Variants in SMIM14 observed in about 807,000 individuals in gnomAD.
The protein encoded by SMIM14 is small integral membrane protein 14, also known as chromosome 4 open reading frame 34.
In SMIM14, 5 loss-of-function variants were observed where a neutral mutation model predicts 12.6. The observed-to-expected ratio is 0.40, with a 90% CI of 0.21 to 0.83. The LOEUF (loss-of-function observed/expected upper bound fraction) is 0.83, where lower values mean the gene tolerates loss of function less well. Ranked by LOEUF, SMIM14 falls within the 40% of genes least tolerant of loss-of-function variation. The pLI is 0.37. For synonymous variants in SMIM14, 30 were observed against 40.1 expected, an observed-to-expected ratio of 0.75 and a Z score of 0.95; for missense variants, 86 against 119.1, an observed-to-expected ratio of 0.72 and a Z score of 1.29.
At chr4:39,586,066 T>C (rs1393241026) in intron 2 of SMIM14, among the ~76,000 whole-genome samples, 1 of 152,082 alleles carries the variant, frequency 6.6e-6, no homozygotes, top group Non-Finnish European at 1.5e-5. Context: ...AACCTGGCAG[T>C]TTCCTGCTGG....
intron 2 of SMIM14, among the ~76,000 whole-genome samples, chr4:39,595,100 C>T (rs1172243661): frequency 7.0e-6 from 1 of 142,016 alleles, no homozygotes; most frequent in African/African-American, 2.6e-5. Context: ...AAGACACATG[C>T]ACACGTATGT....
intron 2 of SMIM14, among the ~76,000 whole-genome samples, chr4:39,600,293 C>T (rs553435806): frequency 6.6e-6 from 1 of 152,200 alleles, no homozygotes; most frequent in East Asian, 1.9e-4. Context: ...CCTGCCTCAG[C>T]CTCCCAAAGT....
intron 1 of SMIM14, among the ~76,000 whole-genome samples, chr4:39,627,439 G>C (rs1715742153): frequency 6.6e-6 from 1 of 152,166 alleles, no homozygotes; most frequent in African/African-American, 2.4e-5. Flanking sequence ...ACTTAAGGCA[G>C]TACTGAGAAA....
At chr4:39,631,433 C>T (rs956774020) in intron 1 of SMIM14, among the ~76,000 whole-genome samples, 3 of 151,472 alleles carry the variant, frequency 2.0e-5, no homozygotes, top group Admixed American at 1.3e-4. Context: ...CCAAGGCGGG[C>T]GGATCACGAG....
At chr4:39,587,148 T>A (rs1320210495) in intron 2 of SMIM14, among the ~76,000 whole-genome samples, 1 of 151,988 alleles carries the variant, frequency 6.6e-6, no homozygotes, top group Non-Finnish European at 1.5e-5. Context: ...TATACTATGA[T>A]CCCTTCTATG....
At chr4:39,611,626 A>G (rs1314621679) in intron 1 of SMIM14, among the ~76,000 whole-genome samples, 3 of 152,042 alleles carry the variant, frequency 2.0e-5, no homozygotes, top group Non-Finnish European at 4.4e-5. Context: ...GTGAGCCGAG[A>G]TTGCCCAGCC....
chr4:39,569,989 A>G (rs998680497), intron 3 of SMIM14, among the ~76,000 whole-genome samples: 2 of 151,990 alleles, frequency 1.3e-5, no homozygotes, highest in Non-Finnish European at 2.9e-5. Context: ...GAAGCCTAAA[A>G]TCTCTTTCCT....
chr4:39,604,429 CG>C (rs1372346424), intron 2 of SMIM14, among the ~76,000 whole-genome samples: 5 of 150,514 alleles, frequency 3.3e-5, no homozygotes, highest in African/African-American at 9.8e-5. Flanking sequence ...CCCAGTTACT[CG>C]GGAGGCTGAG....
At chr4:39,636,669 C>A (rs1716102010) in intron 1 of SMIM14, among the ~76,000 whole-genome samples, 1 of 150,472 alleles carries the variant, frequency 6.6e-6, no homozygotes, top group African/African-American at 2.5e-5. Context: ...AGTGAGATCT[C>A]GTCTCTATTA....
chr4:39,573,414 T>C (rs1358771993), intron 2 of SMIM14, among the ~76,000 whole-genome samples: 1 of 152,196 alleles, frequency 6.6e-6, no homozygotes, highest in Non-Finnish European at 1.5e-5. Context: ...TTTTGGTTTT[T>C]AATGAATGCT....
intron 1 of SMIM14, among the ~76,000 whole-genome samples, chr4:39,631,916 TAA>T (rs780586359): frequency 1.1e-4 from 15 of 138,640 alleles, no homozygotes; most frequent in Admixed American, 2.2e-4. Context: ...GGCCTAAATT[TAA>T]AAAAAAAAAA....
intron 1 of SMIM14, among the ~76,000 whole-genome samples, chr4:39,616,652 A>AG (rs1560305738): frequency 3.3e-5 from 5 of 151,346 alleles, no homozygotes; most frequent in East Asian, 1.9e-4. Flanking sequence ...AAAAAAAAAA[A>AG]AAAAGAAAAG....
At chr4:39,620,437 G>A (rs923940087) in intron 1 of SMIM14, among the ~76,000 whole-genome samples, 4 of 151,964 alleles carry the variant, frequency 2.6e-5, no homozygotes, top group African/African-American at 4.8e-5. Flanking sequence ...CGGAGATCGC[G>A]CCACTGCACT....
intron 2 of SMIM14, among the ~76,000 whole-genome samples, chr4:39,602,591 G>A (rs186264938): frequency 6.6e-6 from 1 of 152,114 alleles, no homozygotes; most frequent in African/African-American, 2.4e-5. Flanking sequence ...CAGACTCCAT[G>A]TCAAAAAACA....
rs1255449604 is a variant in SMIM14 at position 39,548,579 on chromosome 4, T to C, written c.*3547A>G. The C allele has an allele frequency of 3.3e-5, 5 of 152,212 alleles. No homozygotes were observed. The highest frequency in any genetic ancestry group is 7.2e-5 in the African/African-American group (3 of 41,452). The allele number at this position is 152,212 out of a possible 1,614,324, so 9.4% of individuals were successfully genotyped here. A position where few individuals can be genotyped will look rare whatever the true frequency, so the allele number is the denominator to read the frequency against. ...TGTAAGCTTTATCTTTCTTTTTTCC[T>C]AGATTATTTAAAGAGGATTGTAGCC... On this transcript the variant is annotated 3_prime_UTR_variant, in exon 5 of 5. Coordinates refer to ENST00000295958, the MANE Select transcript of SMIM14 (RefSeq NM_174921.3).
At chr4:39,580,529 C>CT (rs113793341) in intron 2 of SMIM14, among the ~76,000 whole-genome samples, 7,706 of 144,426 alleles carry the variant, frequency 0.053, 649 homozygotes, top group African/African-American at 0.18. Flanking sequence ...TTCTTTCTTT[C>CT]TTTTTTTTTT....
chr4:39,589,441 G>A (rs1239643806), intron 2 of SMIM14: 3 of 152,154 alleles, frequency 2.0e-5, no homozygotes, highest in Admixed American at 6.6e-5. Context: ...TTTAGATTAA[G>A]AGTTGAAATA....
chr4:39,567,493 C>A (rs910174101), intron 3 of SMIM14, among the ~76,000 whole-genome samples: 34 of 152,184 alleles, frequency 2.2e-4, no homozygotes, highest in African/African-American at 7.9e-4. Context: ...AATCCCAGCA[C>A]TTTGGGAGGT....
Position 39,549,797 on chromosome 4 carries a change from GA to G in SMIM14, c.*2328del, listed in dbSNP as rs1711575580. 1 of 152,198 alleles carries G rather than the reference GA, an allele frequency of 6.6e-6. No homozygotes were observed. The highest frequency in any genetic ancestry group is 2.1e-4 in the South Asian group (1 of 4,834). The allele number at this position is 152,198 out of a possible 1,614,324, so 9.4% of individuals were successfully genotyped here. A position where few individuals can be genotyped will look rare whatever the true frequency, so the allele number is the denominator to read the frequency against. The stretch of plus-strand genomic sequence containing the variant: ...TCTACTTTACCAGCTATAGAGTTAG[GA>G]AGGCTTCCAGTAGGCCACAGCAAGA... On this transcript the variant is annotated 3_prime_UTR_variant, in exon 5 of 5. Transcript: ENST00000295958.
Sources: allele counts gnomAD v4.1 joint callset (sites outside exome capture counted in the v4.1 genomes callset), GRCh38; gene constraint gnomAD v4.1.1; transcripts MANE v1.5; gene names NCBI Gene and HGNC (gene_info 2026-07-23, HGNC 2026-07-21).